The following KCNH7 variants were observed in gnomAD, a reference collection of about 807,000 sequenced individuals.
The protein encoded by KCNH7 is potassium voltage-gated channel subfamily H member 7.
A neutral mutation model predicts 120.8 loss-of-function variants in KCNH7; 49 were observed. That is an observed-to-expected ratio of 0.41 (90% CI 0.32 to 0.51). The LOEUF (loss-of-function observed/expected upper bound fraction) is 0.51, where lower values mean the gene tolerates loss of function less well. KCNH7 is among the 20% of genes least tolerant of loss of function. The pLI, the probability that KCNH7 is intolerant of heterozygous loss-of-function variation, is 0.38. For synonymous variants in KCNH7, 547 were observed against 516.1 expected, an observed-to-expected ratio of 1.06 and a Z score of -0.81; for missense variants, 1,097 against 1,446.6, an observed-to-expected ratio of 0.76 and a Z score of 3.92.
chr2:162,681,866 T>C (rs1433861586), intron 2 of KCNH7, among the ~76,000 whole-genome samples: 1 of 151,452 alleles, frequency 6.6e-6, no homozygotes, highest in Non-Finnish European at 1.5e-5. Context: ...CTTTCCTATA[T>C]GCATTTGGAA....
intron 2 of KCNH7, among the ~76,000 whole-genome samples, chr2:162,754,733 A>T (rs1057460480): frequency 6.6e-6 from 1 of 152,180 alleles, no homozygotes; most frequent in Non-Finnish European, 1.5e-5. Context: ...AGAAAAGTAA[A>T]ACCAGCAGGA....
At chr2:162,752,960 A>ACCCCTGACT (rs1688636529) in intron 2 of KCNH7, among the ~76,000 whole-genome samples, 4 of 114,214 alleles carry the variant, frequency 3.5e-5, no homozygotes, top group East Asian at 3.9e-4. Flanking sequence ...AAAGAAAAGA[A>ACCCCTGACT]AAGAAAAGAA....
intron 2 of KCNH7, among the ~76,000 whole-genome samples, chr2:162,751,027 C>G (rs1688521491): frequency 1.5e-5 from 2 of 130,684 alleles, no homozygotes; most frequent in South Asian, 4.6e-4. Context: ...TTAAAAAAAC[C>G]AAGACAACAA....
At chr2:162,554,501 A>T (rs1211688817) in intron 2 of KCNH7, among the ~76,000 whole-genome samples, 1 of 152,160 alleles carries the variant, frequency 6.6e-6, no homozygotes, top group East Asian at 1.9e-4. Flanking sequence ...GCAGGGCTAC[A>T]TTCCTTCTGG....
At chr2:162,802,836 AAAT>A (rs1444488578) in intron 2 of KCNH7, among the ~76,000 whole-genome samples, 1 of 151,772 alleles carries the variant, frequency 6.6e-6, no homozygotes, top group Non-Finnish European at 1.5e-5. Context: ...TGTCTAAGAA[AAAT>A]AATAATTTTT....
At chr2:162,527,406 T>A (rs1182714808) in intron 3 of KCNH7, among the ~76,000 whole-genome samples, 1 of 151,948 alleles carries the variant, frequency 6.6e-6, no homozygotes, top group Non-Finnish European at 1.5e-5. Flanking sequence ...TCAGCTCCAG[T>A]GGAGAATAGT....
intron 2 of KCNH7, among the ~76,000 whole-genome samples, chr2:162,569,445 G>A (rs919588528): frequency 1.4e-5 from 2 of 145,680 alleles, no homozygotes; most frequent in African/African-American, 5.1e-5. Flanking sequence ...TCTTGCTAGC[G>A]GTCTATCAAT....
intron 2 of KCNH7, among the ~76,000 whole-genome samples, chr2:162,682,576 A>C (rs1685749606): frequency 6.6e-6 from 1 of 151,852 alleles, no homozygotes; most frequent in East Asian, 1.9e-4. Flanking sequence ...TTTATTTTTC[A>C]AAAGACATAG....
At chr2:162,826,015 G>GAGAC (rs35695697) in intron 2 of KCNH7, among the ~76,000 whole-genome samples, 90,796 of 151,416 alleles carry the variant, frequency 0.6, 28,184 homozygotes, top group South Asian at 0.84. Flanking sequence ...CACTTTGACA[G>GAGAC]AGACAGAGAG....
intron 2 of KCNH7, among the ~76,000 whole-genome samples, chr2:162,731,694 T>G (rs909170555): frequency 7.9e-5 from 12 of 152,060 alleles, no homozygotes; most frequent in Non-Finnish European, 1.8e-4. Flanking sequence ...ACATAAATAT[T>G]TATGAAAATG....
chr2:162,618,782 T>A (rs925882926), intron 2 of KCNH7, among the ~76,000 whole-genome samples: 3 of 152,126 alleles, frequency 2.0e-5, no homozygotes. Flanking sequence ...AGAGAAGGTG[T>A]GGAAAACTGT....
At chr2:162,533,549 G>A (rs556614655) in intron 3 of KCNH7, among the ~76,000 whole-genome samples, 1 of 151,572 alleles carries the variant, frequency 6.6e-6, no homozygotes, top group African/African-American at 2.4e-5. Context: ...AGAATTTAGG[G>A]GGAAAATTAG....
intron 2 of KCNH7, among the ~76,000 whole-genome samples, chr2:162,552,943 CCA>C (rs1391016049): frequency 1.3e-5 from 2 of 152,250 alleles, no homozygotes; most frequent in East Asian, 3.9e-4. Context: ...AGAGGAAAAC[CCA>C]GTCACACCCA....
intron 2 of KCNH7, chr2:162,795,476 T>A (rs557120426): frequency 6.6e-6 from 1 of 152,020 alleles, no homozygotes; most frequent in Non-Finnish European, 1.5e-5. Flanking sequence ...CTGTGGGCAC[T>A]CCCCATTGAC....
chr2:162,434,470 G>A (rs1369016159), intron 8 of KCNH7, among the ~76,000 whole-genome samples: 1 of 152,024 alleles, frequency 6.6e-6, no homozygotes, highest in Non-Finnish European at 1.5e-5. Context: ...TTGCTGCCTG[G>A]AAACAGCAAG....
chr2:162,768,814 T>A (rs1196735481), intron 2 of KCNH7: 1 of 152,236 alleles, frequency 6.6e-6, no homozygotes, highest in Non-Finnish European at 1.5e-5. Context: ...CCAAGGGCAG[T>A]CTGTGCTGGC....
chr2:162,616,318 G>A (rs1683137928), intron 2 of KCNH7, among the ~76,000 whole-genome samples: 2 of 152,184 alleles, frequency 1.3e-5, no homozygotes, highest in Admixed American at 6.5e-5. Flanking sequence ...TGGACACTGG[G>A]TTTTGGGGAG....
At chr2:162,698,490 T>C (rs1445101044) in intron 2 of KCNH7, among the ~76,000 whole-genome samples, 1 of 151,918 alleles carries the variant, frequency 6.6e-6, no homozygotes, top group African/African-American at 2.4e-5. Flanking sequence ...TAATATGCCA[T>C]TTAAAAAAAA....
chr2:162,475,513 T>G (rs1175632906), intron 6 of KCNH7, among the ~76,000 whole-genome samples: 3 of 152,152 alleles, frequency 2.0e-5, no homozygotes, highest in Non-Finnish European at 4.4e-5. Flanking sequence ...AAACCACACA[T>G]CTTACAATGT....
Sources: allele counts gnomAD v4.1 joint callset (sites outside exome capture counted in the v4.1 genomes callset), GRCh38; gene constraint gnomAD v4.1.1; transcripts MANE v1.5; gene names NCBI Gene and HGNC (gene_info 2026-07-23, HGNC 2026-07-21).